The following RNF214 variants were observed in gnomAD, a reference collection of about 807,000 sequenced individuals.
RNF214 encodes the protein ring finger protein 214.
In RNF214, 25 loss-of-function variants were observed where a neutral mutation model predicts 75.9. The ratio of observed to expected loss-of-function variants is 0.33; its 90% CI spans 0.24 to 0.46. The LOEUF (loss-of-function observed/expected upper bound fraction) is 0.46, where lower values mean the gene tolerates loss of function less well. RNF214 is among the 20% of genes least tolerant of loss of function. The probability of loss-of-function intolerance (pLI) is 1.00; values close to 1 mark genes in which losing one functional copy is unlikely to be tolerated. For synonymous variants in RNF214, 314 were observed against 308.8 expected (o/e 1.02, Z -0.18); for missense variants, 725 against 857.5 (o/e 0.85, Z 1.93).
intron 3 of RNF214, 134 bp downstream of exon 3, chr11:117,239,245 T>G (rs973138026): frequency 3.7e-6 from 3 of 809,614 alleles, no homozygotes; most frequent in Non-Finnish European, 5.9e-6. Flanking sequence ...GCAACCATCA[T>G]ACTACTCTCA....
intron 6 of RNF214, chr11:117,264,092 G>A (rs2033741700): frequency 6.5e-6 from 1 of 153,128 alleles, no homozygotes; most frequent in Admixed American, 6.5e-5. Context: ...GGAGGCCGAG[G>A]CGGGCGGATC....
intron 6 of RNF214, among the ~76,000 whole-genome samples, chr11:117,260,237 T>A (rs954169553): frequency 1.3e-5 from 2 of 152,178 alleles, no homozygotes; most frequent in African/African-American, 4.8e-5. Context: ...CAAGCAATCC[T>A]TCTGTCTCAG....
intron 6 of RNF214, among the ~76,000 whole-genome samples, chr11:117,251,246 GA>G: frequency 4.6e-5 from 1 of 21,624 alleles, no homozygotes; most frequent in Admixed American, 4.0e-4. Flanking sequence ...GCGGGGGGCT[GA>G]CCCCGCTGAC....
intron 6 of RNF214, among the ~76,000 whole-genome samples, chr11:117,250,187 T>C (rs1352937790): frequency 6.6e-6 from 1 of 152,158 alleles, no homozygotes; most frequent in East Asian, 1.9e-4. Flanking sequence ...ACAGAGGGCT[T>C]CCCAGGGAAT....
At chr11:117,244,423 T>G in intron 4 of RNF214, 22 bp from the exon 5 acceptor site, 1 of 1,599,598 alleles carries the variant, frequency 6.3e-7, no homozygotes, top group Non-Finnish European at 8.5e-7. Context: ...GAAATAAGCT[T>G]TTCTTGTCTT....
intron 6 of RNF214, among the ~76,000 whole-genome samples, chr11:117,271,920 C>T (rs1219748640): frequency 6.6e-6 from 1 of 152,154 alleles, no homozygotes; most frequent in Non-Finnish European, 1.5e-5. Context: ...TTAAGCAGTC[C>T]TCCCACCTCA....
At chr11:117,253,283 T>A (rs2134379979) in intron 6 of RNF214, among the ~76,000 whole-genome samples, 1 of 152,346 alleles carries the variant, frequency 6.6e-6, no homozygotes, top group Admixed American at 6.5e-5. Context: ...CGTGAACCAC[T>A]GTGCCTGGTC....
intron 6 of RNF214, among the ~76,000 whole-genome samples, chr11:117,266,473 C>A (rs972670082): frequency 6.6e-6 from 1 of 152,100 alleles, no homozygotes; most frequent in Admixed American, 6.6e-5. Flanking sequence ...GATCTTCCCG[C>A]CTCAGCCTCC....
At chr11:117,234,225 C>G (rs1169926496) in intron 1 of RNF214, 42 bp from the exon 2 acceptor site, 1 of 1,449,868 alleles carries the variant, frequency 6.9e-7, no homozygotes, top group Non-Finnish European at 9.7e-7. Context: ...TTGTTTTAAA[C>G]TTTGGAAACT....
At chr11:117,256,061 G>A (rs891526362) in intron 6 of RNF214, among the ~76,000 whole-genome samples, 7 of 152,140 alleles carry the variant, frequency 4.6e-5, no homozygotes, top group African/African-American at 1.7e-4. Flanking sequence ...ACTATATGCA[G>A]TATTCTGAAC....
intron 6 of RNF214, among the ~76,000 whole-genome samples, chr11:117,275,506 A>G (rs2033998677): frequency 6.6e-6 from 1 of 152,218 alleles, no homozygotes; most frequent in Non-Finnish European, 1.5e-5. Context: ...CATTAGGTAG[A>G]TTAGCTGTGA....
At position 117,238,595 on chromosome 11, in the gene RNF214, T is replaced by G; in HGVS notation, c.108-6T>G. On this transcript the variant is annotated splice_region_variant and splice_polypyrimidine_tract_variant and intron_variant, in intron 2 of 14. Transcript: ENST00000300650. ...TACTTTTCTTTTTATCTTGTGTGTT[T>G]GATAGCACCAAAGACTCTGCACAGA... 6.3e-7 allele frequency: 1 copy of G among 1,599,958 alleles called. No homozygotes were observed. Among genetic ancestry groups the G allele is most frequent in the Non-Finnish European group, 8.5e-7 (1 of 1,173,122 alleles).
intron 6 of RNF214, among the ~76,000 whole-genome samples, chr11:117,274,373 T>TC (rs2033970030): frequency 6.9e-6 from 1 of 145,758 alleles, no homozygotes; most frequent in Admixed American, 6.9e-5. Flanking sequence ...TTTTTTTTTT[T>TC]TTTTTTGAGA....
intron 12 of RNF214, 53 bp downstream of exon 12, chr11:117,282,589 G>C: frequency 1.3e-6 from 2 of 1,597,590 alleles, no homozygotes; most frequent in Admixed American, 3.5e-5. Context: ...CTGGGGAAGA[G>C]GTAGATTTCA....
intron 6 of RNF214, among the ~76,000 whole-genome samples, chr11:117,271,866 G>C (rs917424286): frequency 6.6e-6 from 1 of 152,148 alleles, no homozygotes; most frequent in Non-Finnish European, 1.5e-5. Context: ...CATCATACAG[G>C]CTGTAGTGTG....
At chr11:117,265,434 A>G (rs1376522946) in intron 6 of RNF214, among the ~76,000 whole-genome samples, 1 of 151,858 alleles carries the variant, frequency 6.6e-6, no homozygotes, top group Non-Finnish European at 1.5e-5. Flanking sequence ...TTTTTTTGAG[A>G]CAGAGTTTCA....
At chr11:117,241,914 A>C (rs633892) in intron 4 of RNF214, among the ~76,000 whole-genome samples, 82,907 of 152,042 alleles carry the variant, frequency 0.55, 24,092 homozygotes, top group East Asian at 0.8. Flanking sequence ...ACTTTATAAT[A>C]CAGTGGGATC....
intron 4 of RNF214, among the ~76,000 whole-genome samples, chr11:117,243,985 C>T (rs1057195618): frequency 2.0e-5 from 3 of 152,134 alleles, no homozygotes; most frequent in African/African-American, 7.2e-5. Context: ...GAATCATGTT[C>T]CCGGACGCTT....
intron 4 of RNF214, among the ~76,000 whole-genome samples, chr11:117,244,240 C>A (rs1005892448): frequency 6.6e-6 from 1 of 152,146 alleles, no homozygotes; most frequent in African/African-American, 2.4e-5. Context: ...CTCAGCCTCC[C>A]AAAGTACTAC....
Sources: allele counts gnomAD v4.1 joint callset (sites outside exome capture counted in the v4.1 genomes callset), GRCh38; gene constraint gnomAD v4.1.1; transcripts MANE v1.5; gene names NCBI Gene and HGNC (gene_info 2026-07-23, HGNC 2026-07-21).